Variants in DIP2A observed in about 807,000 individuals in gnomAD.
DIP2A encodes the protein disco-interacting protein 2 homolog A.
In DIP2A, 85 loss-of-function variants were observed where a neutral mutation model predicts 177.4. The ratio of observed to expected loss-of-function variants is 0.48; its 90% CI spans 0.40 to 0.57. DIP2A has a LOEUF of 0.57. DIP2A is among the 20% of genes least tolerant of loss of function. The pLI is 0.00. For missense variants in DIP2A, 1,791 were observed against 2,100.2 expected (o/e 0.85, Z 2.88); for synonymous variants, 886 against 881.8 (o/e 1.00, Z -0.08).
In DIP2A at chr21:46,503,603, CCTTCCTTCCTTT is replaced by C. The variant is rs1439421029; in HGVS notation, c.656-754_656-743del. On this transcript the variant is annotated intron_variant, in intron 5 of 37. Coordinates refer to ENST00000417564, the MANE Select transcript of DIP2A (RefSeq NM_015151.4). ...TCCTTCCTTCCTTCCTTCCTTCCTTCCTTCCTTCCTTTCTTTCTTTCTTTCTTTCTTTCCTTT... is the reference window on the plus strand; with the variant it reads ...TCCTTCCTTCCTTCCTTCCTTCCTTCCTTTCTTTCTTTCTTTCTTTCCTTT... Among the ~76,000 whole-genome samples, 14 of 112,010 alleles carry C rather than the reference CCTTCCTTCCTTT, an allele frequency of 1.2e-4. No individual in the cohort carries two copies. The East Asian group carries it at 1.6e-3, about 13-fold the overall frequency. 73.5% of individuals were successfully genotyped at this position (112,010 alleles called of 152,430 possible).
At position 46,498,468 on chromosome 21, in the gene DIP2A, A is replaced by C. The variant is rs746551966; in HGVS notation, c.404-114A>C. On this transcript the variant is annotated intron_variant, in intron 4 of 37. Coordinates refer to ENST00000417564, the MANE Select transcript of DIP2A (RefSeq NM_015151.4). The surrounding 1 kb of genome is among the most constrained non-coding windows in gnomAD (Gnocchi z 4.3). ...GCGTGGCTTTGGGCAGAGCTGTGCC[A>C]GGTGTACAGAAGCATGCTGCACACA... 2.3e-6 allele frequency: 3 copies of C among 1,285,090 alleles called. No individual in the cohort carries two copies. In the African/African-American group the frequency reaches 4.4e-5, roughly 19 times the overall value. 79.6% of individuals were successfully genotyped at this position (1,285,090 alleles called of 1,614,324 possible).
intron 8 of DIP2A, among the ~76,000 whole-genome samples, chr21:46,522,107 A>G (rs2148691575): frequency 6.6e-6 from 1 of 152,332 alleles, no homozygotes; most frequent in African/African-American, 2.4e-5. Flanking sequence ...ATTTTTGAAG[A>G]TATTTTTATT....
chr21:46,461,701 A>G (rs1466417950), intron 1 of DIP2A, among the ~76,000 whole-genome samples: 8 of 152,218 alleles, frequency 5.3e-5, no homozygotes, highest in Admixed American at 3.3e-4. Flanking sequence ...AAGTAAAGGT[A>G]TAAGATTATG....
chr21:46,566,519 C>T (rs1383718111), intron 36 of DIP2A, 41 bp from the exon 37 acceptor site: 6 of 1,613,218 alleles, frequency 3.7e-6, no homozygotes, highest in Non-Finnish European at 5.1e-6. Context: ...ACTCTGCATG[C>T]CTTGGCTTTC....
At chr21:46,541,123 ATTTGT>A (rs2059800365) in intron 17 of DIP2A, among the ~76,000 whole-genome samples, 1 of 151,398 alleles carries the variant, frequency 6.6e-6, no homozygotes, top group South Asian at 2.1e-4. Flanking sequence ...TTCTATGGTG[ATTTGT>A]TTTGCACAAC....
chr21:46,542,857 C>G (rs76305531), intron 18 of DIP2A, among the ~76,000 whole-genome samples: 7,921 of 152,270 alleles, frequency 0.052, 444 homozygotes, highest in African/African-American at 0.14. Flanking sequence ...AGCGTCCTGG[C>G]CCTTGTGCCT....
chr21:46,554,757 G>C (rs975592258), intron 27 of DIP2A, 61 bp downstream of exon 27: 1 of 1,545,124 alleles, frequency 6.5e-7, no homozygotes, highest in Non-Finnish European at 8.7e-7. Flanking sequence ...GCTGCCCTCC[G>C]CTGCCCCCTT....
At chr21:46,542,015 C>A in intron 18 of DIP2A, 120 bp downstream of exon 18, 2 of 1,197,212 alleles carry the variant, frequency 1.7e-6, no homozygotes, top group South Asian at 1.4e-5. Context: ...GTGGTGTGAT[C>A]TTGGCTCACT....
chr21:46,581,935 C>A, the DIP2A span, among the ~76,000 whole-genome samples: 1 of 152,182 alleles, frequency 6.6e-6, no homozygotes, highest in African/African-American at 2.4e-5. Flanking sequence ...GGATCCGAGG[C>A]CTGCTTAAAG....
chr21:46,572,508 T>C (rs1295494792), downstream of DIP2A, among the ~76,000 whole-genome samples: 1 of 152,136 alleles, frequency 6.6e-6, no homozygotes, highest in Non-Finnish European at 1.5e-5. Context: ...GGTGATTGGA[T>C]TAATCTATTC....
At chr21:46,582,149 A>G in the DIP2A span, among the ~76,000 whole-genome samples, 1 of 152,174 alleles carries the variant, frequency 6.6e-6, no homozygotes, top group Non-Finnish European at 1.5e-5. Flanking sequence ...GGAGTTGCTG[A>G]AATTCCCACA....
rs746067764 is a variant in DIP2A at position 46,556,931 on chromosome 21, C to T, written c.3499-8C>T. On this transcript the variant is annotated splice_polypyrimidine_tract_variant and splice_region_variant and intron_variant, in intron 29 of 37. Coordinates refer to ENST00000417564, the MANE Select transcript of DIP2A (RefSeq NM_015151.4). This position sits in a 1 kb window ranked among gnomAD's most constrained non-coding sequence, Gnocchi z 4.5. ...CTTTTTTTTTTTGAACTTTATTTTA[C>T]TCTTAAGATGTCGCACGCGGCCACA... 5.2e-6 allele frequency: 8 copies of T among 1,541,014 alleles called. No homozygotes were observed. The African/African-American group carries it at 8.2e-5, about 16-fold the overall frequency.
chr21:46,503,886 C>T (rs59525556), intron 5 of DIP2A, among the ~76,000 whole-genome samples: 7,057 of 152,158 alleles, frequency 0.046, 532 homozygotes, highest in African/African-American at 0.16. Flanking sequence ...CCACGACGCC[C>T]GGCTGATTTT....
intron 1 of DIP2A, among the ~76,000 whole-genome samples, chr21:46,481,996 A>C (rs1241872338): frequency 6.6e-6 from 1 of 152,234 alleles, no homozygotes; most frequent in African/African-American, 2.4e-5. Context: ...GGTTGCAGTG[A>C]GCCAGTTGTG....
chr21:46,485,618 T>G (rs1045051119), intron 2 of DIP2A, among the ~76,000 whole-genome samples: 1 of 152,206 alleles, frequency 6.6e-6, no homozygotes, highest in African/African-American at 2.4e-5. Context: ...TAGGAAGGAT[T>G]TTTTGATGTC....
intron 8 of DIP2A, among the ~76,000 whole-genome samples, chr21:46,520,035 C>G (rs369411017): frequency 1.3e-5 from 2 of 151,650 alleles, no homozygotes; most frequent in Admixed American, 1.3e-4. Context: ...CCACCACGCC[C>G]GGCTAATGTT....
In DIP2A at chr21:46,490,613, T is replaced by A; in HGVS notation, c.177T>A (p.Ser59=). The change falls in exon 3 of 38, where the codon TCT becomes TCA. Residue 59 remains serine, a synonymous_variant. Transcript: ENST00000417564. ...ATTGTGTTTCAGGAATAGACCCATC[T>A]CTGCAAGCAGAGAATAGAATTCCTG... ...YIPLIQGIDP[S]LQAENRIPGP... 6.4e-7 allele frequency: 1 copy of A among 1,570,048 alleles called. No individual in the cohort carries two copies.
chr21:46,552,023 T>G (rs2060292357), intron 25 of DIP2A, 119 bp downstream of exon 25: 3 of 1,200,362 alleles, frequency 2.5e-6, no homozygotes, highest in Admixed American at 4.0e-5. Context: ...ACAGGGTGCC[T>G]GTGGACTCAG....
At chr21:46,461,392 C>T (rs1425489254) in intron 1 of DIP2A, among the ~76,000 whole-genome samples, 1 of 150,402 alleles carries the variant, frequency 6.6e-6, no homozygotes, top group Non-Finnish European at 1.5e-5. Context: ...ATCTACTGTA[C>T]TGCATTTGTT....
Sources: allele counts gnomAD v4.1 joint callset (sites outside exome capture counted in the v4.1 genomes callset), GRCh38; gene constraint gnomAD v4.1.1; non-coding constraint Gnocchi (gnomAD v3.1); transcripts MANE v1.5; gene names NCBI Gene and HGNC (gene_info 2026-07-23, HGNC 2026-07-21).